TTC27: variants seen among roughly 807,000 people sequenced by gnomAD.
TTC27 encodes tetratricopeptide repeat domain 27.
TTC27 carries 79 observed loss-of-function variants against 115.9 expected under a neutral mutation model. The observed-to-expected ratio is 0.68, with a 90% confidence interval of 0.57 to 0.82. TTC27 has a LOEUF of 0.82. Ranked by LOEUF, TTC27 falls within the 40% of genes least tolerant of loss-of-function variation. The pLI is 0.00. For synonymous variants in TTC27, 401 were observed against 356.0 expected (o/e 1.13, Z -1.42); for missense variants, 1,054 against 993.1 (o/e 1.06, Z -0.82).
At chr2:32,815,788 G>A (rs923111563) in intron 18 of TTC27, among the ~76,000 whole-genome samples, 9 of 152,220 alleles carry the variant, frequency 5.9e-5, no homozygotes, top group South Asian at 2.1e-4. Flanking sequence ...AATAATCCCC[G>A]CTATCTCTGG....
intron 3 of TTC27, chr2:32,635,167 C>T (rs1383042414): frequency 1.3e-5 from 2 of 152,116 alleles, no homozygotes; most frequent in Non-Finnish European, 2.9e-5. Context: ...TCTTGAGCTC[C>T]TATATAGAGG....
intron 9 of TTC27, among the ~76,000 whole-genome samples, chr2:32,692,036 G>GTTTTTTTTTTTTT (rs779547700): frequency 0.095 from 5,829 of 61,168 alleles, 1,277 homozygotes; most frequent in Non-Finnish European, 0.13. Flanking sequence ...AATTTTTTAG[G>GTTTTTTTTTTTTT]TTTTTTTTTT....
rs376008254 is a variant in TTC27 at position 32,698,482 on chromosome 2, C to CTTT, written c.1120-4312_1120-4310dup. On this transcript the variant is annotated intron_variant, in intron 9 of 19. Transcript: ENST00000317907. ...TTTTTTAGCATTTGGAACATGTTGT[C>CTTT]TTTTTTTTTTTTTTTGAGATGGAGT... Among the ~76,000 whole-genome samples the CTTT allele has an allele frequency of 2.5e-3, 311 of 124,682 alleles. 9 individuals are homozygous for CTTT. Among genetic ancestry groups the CTTT allele is most frequent in the East Asian group, 0.015 (59 of 4,044 alleles). The allele number at this position is 124,682 out of a possible 152,430, so 81.8% of individuals were successfully genotyped here. A position where few individuals can be genotyped will look rare whatever the true frequency, so the allele number is the denominator to read the frequency against.
intron 5 of TTC27, among the ~76,000 whole-genome samples, chr2:32,656,096 CT>C (rs141713712): frequency 0.025 from 3,696 of 147,774 alleles, 143 homozygotes; most frequent in African/African-American, 0.087. Flanking sequence ...TTCATAATGT[CT>C]TTTTTTTTTA....
At chr2:32,775,934 C>T (rs1420239893) in intron 13 of TTC27, among the ~76,000 whole-genome samples, 1 of 152,158 alleles carries the variant, frequency 6.6e-6, no homozygotes, top group East Asian at 1.9e-4. Context: ...GTATCATGTT[C>T]AGCAAGTGTG....
intron 16 of TTC27, among the ~76,000 whole-genome samples, chr2:32,792,892 C>T (rs1215989038): frequency 6.6e-6 from 1 of 152,238 alleles, no homozygotes; most frequent in African/African-American, 2.4e-5. Flanking sequence ...GGAATTGCCG[C>T]TCCTCTATGT....
At chr2:32,763,506 G>A (rs1356526234) in intron 13 of TTC27, among the ~76,000 whole-genome samples, 1 of 152,196 alleles carries the variant, frequency 6.6e-6, no homozygotes, top group African/African-American at 2.4e-5. Context: ...TATAAGAGCA[G>A]TTGTATCTGG....
intron 16 of TTC27, among the ~76,000 whole-genome samples, chr2:32,803,036 G>A (rs1411389487): frequency 6.6e-6 from 1 of 152,144 alleles, no homozygotes; most frequent in South Asian, 2.1e-4. Context: ...TGATGGGAGG[G>A]GCTAAAGCCC....
At chr2:32,790,256 A>C (rs1670489504) in intron 16 of TTC27, among the ~76,000 whole-genome samples, 1 of 151,732 alleles carries the variant, frequency 6.6e-6, no homozygotes, top group African/African-American at 2.4e-5. Context: ...ATGGATGTGG[A>C]TTATTGCCAT....
chr2:32,663,038 C>T (rs931703868), intron 5 of TTC27, among the ~76,000 whole-genome samples: 48 of 152,276 alleles, frequency 3.2e-4, no homozygotes, highest in Admixed American at 1.2e-3. Flanking sequence ...CCACCAAGCT[C>T]GAGTGTCCCA....
chr2:32,732,585 C>A (rs1668325798), intron 10 of TTC27, among the ~76,000 whole-genome samples: 1 of 152,064 alleles, frequency 6.6e-6, no homozygotes, highest in African/African-American at 2.4e-5. Context: ...GACTTGCTCC[C>A]TTTTTTACTA....
intron 16 of TTC27, among the ~76,000 whole-genome samples, chr2:32,809,489 G>A (rs114536091): frequency 0.01 from 1,529 of 152,258 alleles, 24 homozygotes; most frequent in African/African-American, 0.035. Flanking sequence ...GGAGCTTGTT[G>A]GAAATGCAGA....
intron 13 of TTC27, among the ~76,000 whole-genome samples, chr2:32,763,583 TA>T (rs1194539762): frequency 6.6e-6 from 1 of 152,140 alleles, no homozygotes; most frequent in Non-Finnish European, 1.5e-5. Flanking sequence ...AGTGAGAGCT[TA>T]AATAAAAACA....
intron 10 of TTC27, among the ~76,000 whole-genome samples, chr2:32,713,125 A>G (rs1024623529): frequency 6.6e-6 from 1 of 152,100 alleles, no homozygotes; most frequent in Admixed American, 6.5e-5. Flanking sequence ...TGATGCAGCA[A>G]GAGGTCTTTT....
At chr2:32,766,420 G>T (rs758691393) in intron 13 of TTC27, 1 of 341,430 alleles carries the variant, frequency 2.9e-6, no homozygotes, top group South Asian at 2.6e-5. Flanking sequence ...ACGCTGAGAG[G>T]CACTGTAGGG....
chr2:32,808,412 C>CATGCAG (rs1355636977), intron 16 of TTC27, among the ~76,000 whole-genome samples: 20 of 152,324 alleles, frequency 1.3e-4, no homozygotes, highest in African/African-American at 4.8e-4. Flanking sequence ...GGCCATTGAA[C>CATGCAG]ATGCAGATGG....
intron 16 of TTC27, among the ~76,000 whole-genome samples, chr2:32,797,036 T>G (rs1670725876): frequency 6.6e-6 from 1 of 151,794 alleles, no homozygotes; most frequent in African/African-American, 2.4e-5. Flanking sequence ...TAGCTGGGCA[T>G]GGTGGTGCAC....
At chr2:32,640,543 T>G in intron 4 of TTC27, 133 bp downstream of exon 4, 1 of 971,348 alleles carries the variant, frequency 1.0e-6, no homozygotes, top group Non-Finnish European at 1.5e-6. Flanking sequence ...AATTTAAAAA[T>G]CTGATGAAAA....
intron 10 of TTC27, among the ~76,000 whole-genome samples, chr2:32,704,483 C>T (rs545669845): frequency 6.6e-5 from 10 of 152,182 alleles, no homozygotes; most frequent in African/African-American, 2.4e-4. Context: ...CTGCTGTGCC[C>T]GGCCAAAAAT....
Sources: allele counts gnomAD v4.1 joint callset (sites outside exome capture counted in the v4.1 genomes callset), GRCh38; gene constraint gnomAD v4.1.1; transcripts MANE v1.5; gene names NCBI Gene and HGNC (gene_info 2026-07-23, HGNC 2026-07-21).